Variants in TATDN1 observed in about 807,000 individuals in gnomAD.
The protein encoded by TATDN1 is deoxyribonuclease TATDN1.
TATDN1 carries 40 observed loss-of-function variants against 46.4 expected under a neutral mutation model. That is an observed-to-expected ratio of 0.86 (90% confidence interval 0.67 to 1.12). The LOEUF is 1.12. TATDN1 is among the 50% of genes most tolerant of loss of function. The pLI is 0.00. For missense variants in TATDN1, 326 were observed against 348.4 expected, an observed-to-expected ratio of 0.94 and a Z score of 0.51; for synonymous variants, 95 against 105.6, an observed-to-expected ratio of 0.90 and a Z score of 0.62.
At chr8:124,503,372 T>G (rs1353762698) in intron 9 of TATDN1, among the ~76,000 whole-genome samples, 1 of 152,234 alleles carries the variant, frequency 6.6e-6, no homozygotes. Context: ...GGGGGGACTC[T>G]GATATTTGTT....
At chr8:124,501,574 A>G (rs1208798814) in intron 9 of TATDN1, among the ~76,000 whole-genome samples, 1 of 152,236 alleles carries the variant, frequency 6.6e-6, no homozygotes, top group Non-Finnish European at 1.5e-5. Context: ...ATGTCTTTAG[A>G]GAGATGAGAA....
rs200180128 is a variant in TATDN1 at position 124,515,755 on chromosome 8, G to A, written c.380C>T (p.Thr127Ile). The A allele has an allele frequency of 5.3e-5, 86 of 1,613,400 alleles. No individual in the cohort carries two copies. In the Admixed American group the frequency reaches 1.4e-3, roughly 26 times the overall value. ...CAACAAATTTCCTTACTTGAGTTGA[G>A]TATCTTTGGGACAAAACTGCAGTCG... Reference protein sequence around the residue: ...FDRLQFCPKDTQLKYFEKQFE... With the variant: ...FDRLQFCPKDIQLKYFEKQFE... Residue 127 changes from threonine to isoleucine, a missense_variant, in exon 6 of 12, where the codon ACT becomes ATT. Transcript: ENST00000276692.
intron 3 of TATDN1, among the ~76,000 whole-genome samples, chr8:124,520,041 A>G (rs1281288508): frequency 6.6e-6 from 1 of 152,208 alleles, no homozygotes; most frequent in Non-Finnish European, 1.5e-5. Flanking sequence ...GCAAATGATA[A>G]ATAGATATTT....
intron 6 of TATDN1, among the ~76,000 whole-genome samples, chr8:124,515,512 A>G (rs1819385321): frequency 6.6e-6 from 1 of 152,220 alleles, no homozygotes; most frequent in Non-Finnish European, 1.5e-5. Flanking sequence ...CTCATCCCTA[A>G]TTTCTACCAT....
At chr8:124,503,215 T>C (rs1818126826) in intron 9 of TATDN1, among the ~76,000 whole-genome samples, 2 of 152,070 alleles carry the variant, frequency 1.3e-5, no homozygotes, top group Non-Finnish European at 2.9e-5. Flanking sequence ...GTACGGGATA[T>C]AAGAACTAAT....
At chr8:124,523,931 C>G (rs1820268435) in intron 1 of TATDN1, among the ~76,000 whole-genome samples, 1 of 151,962 alleles carries the variant, frequency 6.6e-6, no homozygotes, top group African/African-American at 2.4e-5. Flanking sequence ...TGGGGAACAA[C>G]AAGATATGAA....
chr8:124,511,654 T>C (rs1012204523), intron 6 of TATDN1, among the ~76,000 whole-genome samples: 2 of 152,152 alleles, frequency 1.3e-5, no homozygotes, highest in Non-Finnish European at 2.9e-5. Context: ...CTTCTCTTTC[T>C]TAGTCTTTAA....
intron 1 of TATDN1, among the ~76,000 whole-genome samples, chr8:124,537,379 C>A (rs1821540529): frequency 6.6e-6 from 1 of 152,112 alleles, no homozygotes; most frequent in South Asian, 2.1e-4. Context: ...CACTCTAAAA[C>A]CTTGTCAGAG....
At chr8:124,531,445 T>C (rs112781126) in intron 1 of TATDN1, among the ~76,000 whole-genome samples, 317 of 152,274 alleles carry the variant, frequency 2.1e-3, no homozygotes, top group African/African-American at 7.0e-3. Flanking sequence ...GTGAAAGTGC[T>C]GTAAAAGGGC....
intron 2 of TATDN1, among the ~76,000 whole-genome samples, chr8:124,522,539 C>A (rs1049062259): frequency 6.6e-6 from 1 of 152,062 alleles, no homozygotes; most frequent in Admixed American, 6.5e-5. Context: ...GCCTTAGCCT[C>A]CCAAGTAGCT....
chr8:124,498,951 CTT>C (rs77795578), intron 9 of TATDN1, among the ~76,000 whole-genome samples: 66 of 132,276 alleles, frequency 5.0e-4, no homozygotes, highest in African/African-American at 4.5e-4. Flanking sequence ...CGCCTGGCCT[CTT>C]TTTTTTTTTT....
rs556559661 is a variant in TATDN1, at chr8:124,506,228, G to A, written c.517-1881C>T. 1.0e-3 allele frequency among the ~76,000 whole-genome samples: 157 copies of A among 151,362 alleles called. 1 individual carries two copies. Among genetic ancestry groups the A allele is most frequent in the South Asian group, 4.2e-3 (20 of 4,788 alleles). ...TGCGTGCCTGTAGCCCCAGCTACTC[G>A]GGAGGCTGAGGCAAAAGAATTGCTT... On this transcript the variant is annotated intron_variant, in intron 8 of 11. Coordinates refer to ENST00000276692, the MANE Select transcript of TATDN1 (RefSeq NM_032026.4).
chr8:124,516,988 G>GT (rs1190699041), intron 4 of TATDN1, among the ~76,000 whole-genome samples: 1 of 152,222 alleles, frequency 6.6e-6, no homozygotes, highest in Non-Finnish European at 1.5e-5. Flanking sequence ...AAGAACAGAA[G>GT]TTACATGGAG....
chr8:124,528,455 G>A (rs940609129), intron 1 of TATDN1, among the ~76,000 whole-genome samples: 1 of 152,186 alleles, frequency 6.6e-6, no homozygotes, highest in Non-Finnish European at 1.5e-5. Context: ...TCACAGGGGT[G>A]AGCCACTGCG....
chr8:124,539,041 A>G lies in TATDN1; in HGVS notation c.6T>C (p.Ser2=), dbSNP rs758477553. 1 of 1,613,826 alleles carries G rather than the reference A, an allele frequency of 6.2e-7. No homozygotes were observed. The change falls in exon 1 of 12, where the codon AGT becomes AGC. Residue 2 remains serine, a synonymous_variant. Transcript: ENST00000276692. M[S]RFKFIDIGIN... ...TCCTCTTACCGATAAACTTGAAGCG[A>G]CTCATGACTGCGCATGGAGGACCTC...
At chr8:124,489,893 GAA>G (rs1816811369) in intron 11 of TATDN1, 2 of 152,108 alleles carry the variant, frequency 1.3e-5, no homozygotes, top group African/African-American at 4.8e-5. Context: ...ACACCTAAAG[GAA>G]TTAAGGATGG....
chr8:124,529,232 T>C (rs984383083), intron 1 of TATDN1, among the ~76,000 whole-genome samples: 2 of 152,190 alleles, frequency 1.3e-5, no homozygotes, highest in Non-Finnish European at 2.9e-5. Flanking sequence ...ATTCTCCTGT[T>C]TCAACCCGAG....
chr8:124,523,198 G>A, intron 1 of TATDN1, 196 bp from the exon 2 acceptor site: 1 of 562,486 alleles, frequency 1.8e-6, no homozygotes, highest in East Asian at 3.0e-5. Context: ...CTGCTTTCAA[G>A]AAACTCACCG....
At chr8:124,538,891 G>T in intron 1 of TATDN1, 134 bp downstream of exon 1, 2 of 980,220 alleles carry the variant, frequency 2.0e-6, no homozygotes, top group Non-Finnish European at 3.2e-6. Flanking sequence ...AAACCTCCCC[G>T]CGCCCTCCTC....
Sources: allele counts gnomAD v4.1 joint callset (sites outside exome capture counted in the v4.1 genomes callset), GRCh38; gene constraint gnomAD v4.1.1; transcripts MANE v1.5; gene names NCBI Gene and HGNC (gene_info 2026-07-23, HGNC 2026-07-21).